Variants in TAFA2 observed in about 807,000 individuals in gnomAD.
TAFA2 encodes chemokine-like protein TAFA-2.
A neutral mutation model predicts 18.8 loss-of-function variants in TAFA2; 7 were observed. The ratio of observed to expected loss-of-function variants is 0.37; its 90% CI spans 0.21 to 0.70. The LOEUF (loss-of-function observed/expected upper bound fraction) is 0.70. TAFA2 is among the 30% of genes least tolerant of loss of function. The pLI is 0.53. For synonymous variants in TAFA2, 60 were observed against 54.2 expected (o/e 1.11, Z -0.47); for missense variants, 122 against 158.1 (o/e 0.77, Z 1.23).
At chr12:62,149,587 TTA>T (rs151026993) in intron 1 of TAFA2, among the ~76,000 whole-genome samples, 10 of 146,862 alleles carry the variant, frequency 6.8e-5, no homozygotes, top group Non-Finnish European at 1.1e-4. Flanking sequence ...TATATACACA[TTA>T]TATATATATA....
intron 2 of TAFA2, among the ~76,000 whole-genome samples, chr12:61,809,724 T>C (rs1156277442): frequency 6.6e-6 from 1 of 151,412 alleles, no homozygotes; most frequent in East Asian, 1.9e-4. Context: ...AAACCAATTT[T>C]TACTTATGGT....
chr12:61,992,395 G>A (rs1488037270), intron 1 of TAFA2, among the ~76,000 whole-genome samples: 1 of 152,100 alleles, frequency 6.6e-6, no homozygotes, highest in African/African-American at 2.4e-5. Context: ...AAGCCTATAA[G>A]CTCTTTGTTG....
chr12:62,147,332 A>ATATATATATATGTG (rs1565760169), intron 1 of TAFA2, among the ~76,000 whole-genome samples: 5 of 53,288 alleles, frequency 9.4e-5, no homozygotes, highest in Non-Finnish European at 1.7e-4. Flanking sequence ...GTATGTATAT[A>ATATATATATATGTG]TATATATATA....
chr12:61,894,736 G>A (rs1875769162), intron 1 of TAFA2, among the ~76,000 whole-genome samples: 2 of 152,148 alleles, frequency 1.3e-5, no homozygotes, highest in Admixed American at 6.5e-5. Context: ...CATGGTTCTT[G>A]TAATTTTCAA....
At chr12:62,061,499 C>A (rs348662) in intron 1 of TAFA2, among the ~76,000 whole-genome samples, 3 of 152,078 alleles carry the variant, frequency 2.0e-5, no homozygotes, top group East Asian at 3.9e-4. Flanking sequence ...CGCCTAACAG[C>A]GCATTTTTTC....
intron 1 of TAFA2, among the ~76,000 whole-genome samples, chr12:62,058,734 C>G (rs974194818): frequency 1.3e-5 from 2 of 152,108 alleles, no homozygotes; most frequent in African/African-American, 4.8e-5. Flanking sequence ...GCCAAGGTGA[C>G]AGGATCACTT....
intron 1 of TAFA2, among the ~76,000 whole-genome samples, chr12:62,164,538 C>T (rs986347876): frequency 6.6e-6 from 1 of 152,094 alleles, no homozygotes; most frequent in African/African-American, 2.4e-5. Flanking sequence ...ACACACGATT[C>T]ACTCATGATT....
chr12:61,714,029 T>G (rs1265572249), intron 4 of TAFA2, among the ~76,000 whole-genome samples: 1 of 152,198 alleles, frequency 6.6e-6, no homozygotes, highest in South Asian at 2.1e-4. Flanking sequence ...TTATACCTTC[T>G]AAGGAAGATT....
chr12:62,235,030 T>C (rs920572081), intron 1 of TAFA2: 16 of 634,944 alleles, frequency 2.5e-5, no homozygotes, highest in Non-Finnish European at 9.0e-6. Flanking sequence ...GGGTCCCCAA[T>C]ATGAGACATC....
chr12:62,150,757 T>A (rs1244593146), intron 1 of TAFA2, among the ~76,000 whole-genome samples: 3 of 151,864 alleles, frequency 2.0e-5, no homozygotes, highest in African/African-American at 4.8e-5. Context: ...ATACAAAAAC[T>A]TCGCCAGGCA....
chr12:61,769,549 A>T (rs1310724936), intron 2 of TAFA2, among the ~76,000 whole-genome samples: 1 of 152,096 alleles, frequency 6.6e-6, no homozygotes, highest in African/African-American at 2.4e-5. Context: ...ACCTGAAGAC[A>T]GATCACATCA....
intron 1 of TAFA2, among the ~76,000 whole-genome samples, chr12:61,995,512 C>T (rs1039345866): frequency 1.3e-5 from 2 of 152,044 alleles, no homozygotes; most frequent in African/African-American, 4.8e-5. Flanking sequence ...TTTCGTCTGT[C>T]TTCTCTATTA....
At chr12:62,101,216 C>T (rs567206043) in intron 1 of TAFA2, among the ~76,000 whole-genome samples, 6 of 152,192 alleles carry the variant, frequency 3.9e-5, no homozygotes, top group South Asian at 2.1e-4. Flanking sequence ...GATTATGGAA[C>T]GAATTACCCA....
At chr12:62,031,722 C>A (rs755377256) in intron 1 of TAFA2, among the ~76,000 whole-genome samples, 2 of 152,114 alleles carry the variant, frequency 1.3e-5, no homozygotes, top group Admixed American at 1.3e-4. Context: ...AACTACACTA[C>A]GAATTTCTCC....
rs1277400850 is a variant in TAFA2 at position 62,191,894 on chromosome 12, T to C, written c.-637A>G. On this transcript the variant is annotated 5_prime_UTR_variant, in exon 1 of 5. Transcript: ENST00000416284. ...CCTCTTGTTCTCTGGGGAAAGGCAATTGGACAGAATGATTCACCTTCAGGA... is the reference window on the plus strand; with the variant it reads ...CCTCTTGTTCTCTGGGGAAAGGCAACTGGACAGAATGATTCACCTTCAGGA... 2.0e-5 allele frequency: 3 copies of C among 152,328 alleles called. No individual in the cohort carries two copies. Among genetic ancestry groups the C allele is most frequent in the Non-Finnish European group, 4.4e-5 (3 of 68,214 alleles). 9.4% of individuals were successfully genotyped at this position (152,328 alleles called of 1,614,324 possible). A position where few individuals can be genotyped will look rare whatever the true frequency, so the allele number is the denominator to read the frequency against.
At chr12:62,169,503 TC>T (rs1480628105) in intron 1 of TAFA2, among the ~76,000 whole-genome samples, 9 of 152,130 alleles carry the variant, frequency 5.9e-5, no homozygotes, top group Admixed American at 3.3e-4. Context: ...TTATAATAAT[TC>T]GTAAAGCCAC....
chr12:62,154,445 T>C (rs1336075519), intron 1 of TAFA2, among the ~76,000 whole-genome samples: 1 of 152,150 alleles, frequency 6.6e-6, no homozygotes, highest in African/African-American at 2.4e-5. Context: ...AAATGTAGGC[T>C]CTTAAAGCTA....
intron 1 of TAFA2, among the ~76,000 whole-genome samples, chr12:62,072,280 C>T (rs551348690): frequency 1.3e-4 from 19 of 151,666 alleles, no homozygotes; most frequent in South Asian, 2.1e-4. Context: ...CTGGCTAACA[C>T]GGTGAAACCC....
chr12:61,715,280 T>C (rs1592339460), intron 4 of TAFA2, among the ~76,000 whole-genome samples: 8 of 152,196 alleles, frequency 5.3e-5, no homozygotes, highest in Admixed American at 5.2e-4. Flanking sequence ...ATATTAAAAA[T>C]GAAGCACTGG....
Sources: gnomAD v4.1 joint callset for allele counts (sites outside exome capture counted in the v4.1 genomes callset) on GRCh38, gnomAD v4.1.1 for gene constraint, MANE v1.5 for transcripts, NCBI Gene and HGNC (gene_info 2026-07-23, HGNC 2026-07-21) for gene names.